C1QTNF5: variants seen among roughly 807,000 people sequenced by gnomAD.
C1QTNF5 encodes C1q and TNF related 5.
A neutral mutation model predicts 10.9 loss-of-function variants in C1QTNF5; 5 were observed. That is an observed-to-expected ratio of 0.46 (90% CI 0.24 to 0.97). The LOEUF (loss-of-function observed/expected upper bound fraction) is 0.97. Ranked by LOEUF, C1QTNF5 falls within the 50% of genes least tolerant of loss-of-function variation. C1QTNF5 has a pLI of 0.19. For missense variants in C1QTNF5, 281 were observed against 339.4 expected, an observed-to-expected ratio of 0.83 and a Z score of 1.35; for synonymous variants, 161 against 156.5, an observed-to-expected ratio of 1.03 and a Z score of -0.22.
At chr11:119,343,715 A>G (rs1950526984), upstream of C1QTNF5, 3 of 1,483,972 alleles carry the variant, frequency 2.0e-6, no homozygotes, top group Non-Finnish European at 2.8e-6. Context: ...GTAGCAGAAG[A>G]AAATGAAGCT....
At chr11:119,344,869 C>G, upstream of C1QTNF5, 1 of 1,613,282 alleles carries the variant, frequency 6.2e-7, no homozygotes, top group Non-Finnish European at 8.5e-7. Context: ...TGGGAACACA[C>G]TCACCGCGCC....
upstream of C1QTNF5, chr11:119,345,545 C>T (rs764416891): frequency 6.2e-6 from 10 of 1,613,934 alleles, no homozygotes; most frequent in Non-Finnish European, 8.5e-6. Flanking sequence ...CCTGGATATG[C>T]CACACGCAGT....
upstream of C1QTNF5, chr11:119,341,554 C>T: frequency 1.2e-6 from 2 of 1,612,460 alleles, no homozygotes; most frequent in Non-Finnish European, 1.7e-6. Flanking sequence ...AGGGTCAGGG[C>T]TGGGCACAAG....
the C1QTNF5 span, chr11:119,346,597 G>T: frequency 7.1e-7 from 1 of 1,405,930 alleles, no homozygotes; most frequent in Non-Finnish European, 1.0e-6. Context: ...CAAACTCCCT[G>T]TCAGAGGGGC....
At chr11:119,344,497 C>G (rs181770987), upstream of C1QTNF5, 1 of 1,574,578 alleles carries the variant, frequency 6.4e-7, no homozygotes, top group East Asian at 2.3e-5. Flanking sequence ...CCATGGGAAA[C>G]AAGTTCTGGG....
chr11:119,345,633 G>C (rs149712249), upstream of C1QTNF5: 310 of 1,613,446 alleles, frequency 1.9e-4, no homozygotes, highest in Non-Finnish European at 2.0e-4. Flanking sequence ...GCCTCCACAG[G>C]CTGCAGAGAT....
At chr11:119,344,171 A>T (rs920447350), upstream of C1QTNF5, 1 of 965,102 alleles carries the variant, frequency 1.0e-6, no homozygotes, top group African/African-American at 1.6e-5. Context: ...GGCACTTAAT[A>T]ATATTCCCCC....
chr11:119,340,528 C>T (rs1950492331), intron 1 of C1QTNF5, 88 bp from the exon 2 acceptor site: 1 of 980,822 alleles, frequency 1.0e-6, no homozygotes, highest in Non-Finnish European at 1.5e-6. Flanking sequence ...CGGTCCCCAC[C>T]CCACTGCCGT....
upstream of C1QTNF5, chr11:119,343,760 G>T (rs138105835): frequency 1.3e-3 from 2,095 of 1,605,066 alleles, 28 homozygotes; most frequent in South Asian, 0.015. Flanking sequence ...CATGGAAGCC[G>T]GGGGTGGCAG....
At chr11:119,344,855 C>G (rs751366258), upstream of C1QTNF5, 1 of 1,613,378 alleles carries the variant, frequency 6.2e-7, no homozygotes, top group Admixed American at 1.7e-5. Flanking sequence ...ACTCAACAGG[C>G]AGGTGGGAAC....
chr11:119,342,808 G>T, upstream of C1QTNF5: 2 of 1,613,100 alleles, frequency 1.2e-6, no homozygotes, highest in Non-Finnish European at 1.7e-6. Context: ...CCAGGGTCCA[G>T]AGCCCTTGTC....
At chr11:119,343,910 G>C, upstream of C1QTNF5, 1 of 1,613,800 alleles carries the variant, frequency 6.2e-7, no homozygotes, top group Non-Finnish European at 8.5e-7. Context: ...CTGAAGTTGT[G>C]GAACTGTAGT....
upstream of C1QTNF5, chr11:119,341,986 T>C: frequency 6.2e-7 from 1 of 1,613,486 alleles, no homozygotes; most frequent in Non-Finnish European, 8.5e-7. Flanking sequence ...AGGCCAGCTC[T>C]GCAGGGGTGG....
chr11:119,341,425 C>A, upstream of C1QTNF5: 1 of 798,534 alleles, frequency 1.3e-6, no homozygotes. Flanking sequence ...CTTCCCCCTC[C>A]CTGGGAGCCC....
Position 119,340,695 on chromosome 11 carries a change from C to G in C1QTNF5, c.-44G>C. 2.3e-6 allele frequency: 1 copy of G among 437,090 alleles called. No homozygotes were observed. The highest frequency in any genetic ancestry group is 4.1e-6 in the Non-Finnish European group (1 of 243,148). 27.1% of individuals were successfully genotyped at this position (437,090 alleles called of 1,614,324 possible). On this transcript the variant is annotated splice_region_variant and 5_prime_UTR_variant, in exon 1 of 3. Coordinates refer to ENST00000528368, the MANE Select transcript of C1QTNF5 (RefSeq NM_001278431.2). Reference sequence around the variant, plus strand: ...CTTTCCCCTCCTCCGCCAGACTCACCCCCCCTCCCGGCTCCCCGATGGCCT... The same window carrying G: ...CTTTCCCCTCCTCCGCCAGACTCACGCCCCCTCCCGGCTCCCCGATGGCCT...
chr11:119,341,115 C>T, upstream of C1QTNF5: 1 of 214,206 alleles, frequency 4.7e-6, no homozygotes, highest in Non-Finnish European at 9.5e-6. Context: ...GAGAAATACG[C>T]AGAGAGATGA....
the C1QTNF5 span, chr11:119,346,259 C>T: frequency 6.2e-7 from 1 of 1,607,234 alleles, no homozygotes; most frequent in Non-Finnish European, 8.5e-7. Context: ...AGGTCACCCC[C>T]TGGGATGGTT....
chr11:119,339,118 G>T lies in C1QTNF5; in HGVS notation c.*213C>A. 1.7e-6 allele frequency: 1 copy of T among 605,476 alleles called. No homozygotes were observed. The highest frequency in any genetic ancestry group is 2.9e-6 in the Non-Finnish European group (1 of 349,268). The allele number at this position is 605,476 out of a possible 1,614,324, so 37.5% of individuals were successfully genotyped here. A position where few individuals can be genotyped will look rare whatever the true frequency, so the allele number is the denominator to read the frequency against. The stretch of plus-strand genomic sequence containing the variant: ...CAGCACAGCACACTCCTCTGGTCTT[G>T]GGCAGAAATCCAGCCACTGCCCCAT... On this transcript the variant is annotated 3_prime_UTR_variant, in exon 3 of 3. Coordinates refer to ENST00000528368, the MANE Select transcript of C1QTNF5 (RefSeq NM_001278431.2). The surrounding 1 kb of genome is among the most constrained non-coding windows in gnomAD (Gnocchi z 5.4).
In C1QTNF5 at chr11:119,340,436, G is replaced by T. The variant is rs1950491140; in HGVS notation, c.-39C>A. Reference sequence around the variant, plus strand: ...GGAGCCCGGACGCCGGGGTCCTCTCGCAGTCTGTGGACCAGGCAGGACTGG... The same window carrying T: ...GGAGCCCGGACGCCGGGGTCCTCTCTCAGTCTGTGGACCAGGCAGGACTGG... On this transcript the variant is annotated 5_prime_UTR_variant, in exon 2 of 3. Coordinates refer to ENST00000528368, the MANE Select transcript of C1QTNF5 (RefSeq NM_001278431.2). 5.9e-6 allele frequency: 9 copies of T among 1,528,234 alleles called. No homozygotes were observed. In the Admixed American group the frequency reaches 1.4e-4, roughly 23 times the overall value. 94.7% of individuals were successfully genotyped at this position (1,528,234 alleles called of 1,614,324 possible).
Sources: allele counts gnomAD v4.1 joint callset, GRCh38; gene constraint gnomAD v4.1.1; non-coding constraint Gnocchi (gnomAD v3.1); transcripts MANE v1.5; gene names NCBI Gene and HGNC (gene_info 2026-07-23, HGNC 2026-07-21).